The following METTL4 variants were observed in gnomAD, a reference collection of about 807,000 sequenced individuals.
METTL4 encodes the protein N(6)-adenine-specific methyltransferase METTL4.
In METTL4, 40 loss-of-function variants were observed where a neutral mutation model predicts 54.0. That is an observed-to-expected ratio of 0.74 (90% confidence interval 0.58 to 0.96). METTL4 has a LOEUF of 0.96. Ranked by LOEUF, METTL4 falls within the 50% of genes least tolerant of loss-of-function variation. The probability of loss-of-function intolerance (pLI) is 0.00; values close to 1 mark genes in which losing one functional copy is unlikely to be tolerated. For missense variants in METTL4, 525 were observed against 549.0 expected (o/e 0.96, Z 0.44); for synonymous variants, 169 against 183.8 (o/e 0.92, Z 0.65).
intron 8 of METTL4, chr18:2,540,893 G>A: frequency 1.0e-6 from 1 of 985,416 alleles, no homozygotes; most frequent in Non-Finnish European, 1.2e-6. Flanking sequence ...GAGTCAGCCA[G>A]TCAAAAATGT....
chr18:2,542,467 T>TAAAGGAATTGACAAATAGTTTA (rs1274325825), intron 8 of METTL4, among the ~76,000 whole-genome samples: 1 of 151,808 alleles, frequency 6.6e-6, no homozygotes, highest in Non-Finnish European at 1.5e-5. Context: ...TATTTTATTT[T>TAAAGGAATTGACAAATAGTTTA]AAAGGAATTG....
At position 2,567,416 on chromosome 18, in the gene METTL4, A is replaced by G; in HGVS notation, c.-200T>C. ...GATGTTAATATATACAGAAATTCTA[A>G]GGAAAATTGCAATGTTTTAATATAA... On this transcript the variant is annotated 5_prime_UTR_variant, in exon 2 of 9. Transcript: ENST00000574538. 1 of 403,884 alleles carries G rather than the reference A, an allele frequency of 2.5e-6. No homozygotes were observed. Among genetic ancestry groups the G allele is most frequent in the Non-Finnish European group, 4.3e-6 (1 of 231,034 alleles). The allele number at this position is 403,884 out of a possible 1,614,324, so 25.0% of individuals were successfully genotyped here. A position where few individuals can be genotyped will look rare whatever the true frequency, so the allele number is the denominator to read the frequency against.
At chr18:2,552,909 C>A in intron 4 of METTL4, 145 bp from the exon 5 acceptor site, 1 of 576,666 alleles carries the variant, frequency 1.7e-6, no homozygotes, top group Admixed American at 3.3e-5. Context: ...AGCATTTATT[C>A]AAACAGAGTA....
intron 5 of METTL4, among the ~76,000 whole-genome samples, chr18:2,552,299 C>T (rs2072174161): frequency 6.6e-6 from 1 of 152,000 alleles, no homozygotes; most frequent in Non-Finnish European, 1.5e-5. Context: ...TAAGAAGTAA[C>T]ATAAACTAAA....
At chr18:2,556,610 G>C (rs981930013) in intron 3 of METTL4, among the ~76,000 whole-genome samples, 1 of 151,968 alleles carries the variant, frequency 6.6e-6, no homozygotes, top group African/African-American at 2.4e-5. Context: ...AGGTTTACTT[G>C]CAGTCCAAAT....
intron 8 of METTL4, among the ~76,000 whole-genome samples, chr18:2,541,673 G>A (rs1280923007): frequency 6.6e-6 from 1 of 151,520 alleles, no homozygotes; most frequent in Non-Finnish European, 1.5e-5. Flanking sequence ...TTATGCAAAT[G>A]TATCATTTTG....
Position 2,554,951 on chromosome 18 carries a change from C to A in METTL4, c.547G>T (p.Asp183Tyr), listed in dbSNP as rs918247191. 6.2e-7 allele frequency: 1 copy of A among 1,613,906 alleles called. No homozygotes were observed. The highest frequency in any genetic ancestry group is 1.3e-5 in the African/African-American group (1 of 74,900). Residue 183 changes from aspartate to tyrosine, a missense_variant, in exon 4 of 9, where the codon GAC becomes TAC. Coordinates refer to ENST00000574538, the MANE Select transcript of METTL4 (RefSeq NM_022840.5). ...AAAGTAATGGGCTTACTACCCTTGT[C>A]CTGTTTTTCAAAAAGTGGATAAAGA... ...GFLYPLFEKQ[D>Y]KGSKPITLPL...
chr18:2,542,362 C>A (rs9962849), intron 8 of METTL4, among the ~76,000 whole-genome samples: 1 of 128,894 alleles, frequency 7.8e-6, no homozygotes, highest in Admixed American at 8.4e-5. Context: ...CCCCCTCCCC[C>A]CACCCCACAA....
intron 3 of METTL4, chr18:2,561,556 T>C (rs1488473678): frequency 1.3e-5 from 2 of 152,244 alleles, no homozygotes; most frequent in Admixed American, 1.3e-4. Context: ...GATGTTATCA[T>C]TGATCCTAAA....
intron 1 of METTL4, among the ~76,000 whole-genome samples, chr18:2,569,970 G>C (rs1181241365): frequency 6.6e-6 from 1 of 152,208 alleles, no homozygotes; most frequent in Admixed American, 6.5e-5. Flanking sequence ...CTCAGGTTTT[G>C]ATATGGTGAA....
At chr18:2,556,300 T>C (rs1450501855) in intron 3 of METTL4, among the ~76,000 whole-genome samples, 2 of 144,850 alleles carry the variant, frequency 1.4e-5, no homozygotes, top group Non-Finnish European at 3.0e-5. Context: ...CCTCGGCAAT[T>C]GGGAAAAAAA....
Position 2,554,562 on chromosome 18 carries a change from C to A in METTL4, c.829+107G>T, listed in dbSNP as rs1165360453. 10 of 990,952 alleles carry A rather than the reference C, an allele frequency of 1.0e-5. No individual in the cohort carries two copies. The East Asian group carries it at 2.1e-4, about 21-fold the overall frequency. The allele number at this position is 990,952 out of a possible 1,614,324, so 61.4% of individuals were successfully genotyped here. ...AAATAACCCAAGGAAAAGTGTCTAC[C>A]CTATCCTCATAAATGCTGACCCATC... On this transcript the variant is annotated intron_variant, in intron 4 of 8. Coordinates refer to ENST00000574538, the MANE Select transcript of METTL4 (RefSeq NM_022840.5).
intron 8 of METTL4, among the ~76,000 whole-genome samples, chr18:2,542,649 T>C (rs1322477878): frequency 6.7e-6 from 1 of 149,410 alleles, no homozygotes; most frequent in Admixed American, 6.7e-5. Context: ...TAGTGCCAAG[T>C]ATAATTTTTT....
In METTL4 at chr18:2,538,346, C is replaced by G. The variant is rs541875396; in HGVS notation, c.*654G>C. The G allele has an allele frequency of 1.3e-5, 2 of 157,186 alleles. No individual in the cohort carries two copies. Among genetic ancestry groups the G allele is most frequent in the Non-Finnish European group, 2.8e-5 (2 of 71,508 alleles). 9.7% of individuals were successfully genotyped at this position (157,186 alleles called of 1,614,324 possible). On this transcript the variant is annotated 3_prime_UTR_variant, in exon 9 of 9. Coordinates refer to ENST00000574538, the MANE Select transcript of METTL4 (RefSeq NM_022840.5). ...GCTGTATAAACTCAGTATACTAATG[C>G]AGTATTTGGCAGATCTTTGAATATT...
At chr18:2,569,163 C>T (rs2072465172) in intron 1 of METTL4, 1 of 152,940 alleles carries the variant, frequency 6.5e-6, no homozygotes, top group Non-Finnish European at 1.5e-5. Flanking sequence ...CACACCCATT[C>T]AATTTAAGCA....
chr18:2,568,494 G>C (rs2072454902), intron 1 of METTL4: 1 of 152,266 alleles, frequency 6.6e-6, no homozygotes, highest in Non-Finnish European at 1.5e-5. Context: ...GCCCACGCCT[G>C]TAATCGCAGC....
intron 6 of METTL4, among the ~76,000 whole-genome samples, chr18:2,545,545 T>C (rs1381873787): frequency 6.6e-6 from 1 of 152,086 alleles, no homozygotes; most frequent in Admixed American, 6.5e-5. Context: ...GGGATGATCA[T>C]ACTCTCAAAG....
chr18:2,546,221 G>C (rs1333999148), intron 6 of METTL4, among the ~76,000 whole-genome samples: 1 of 152,014 alleles, frequency 6.6e-6, no homozygotes, highest in African/African-American at 2.4e-5. Flanking sequence ...CACTTTCCAG[G>C]TTTTCAGGTA....
chr18:2,564,325 G>A (rs2143583186), intron 2 of METTL4, among the ~76,000 whole-genome samples: 1 of 151,786 alleles, frequency 6.6e-6, no homozygotes, highest in East Asian at 1.9e-4. Context: ...GCAGGAGAAT[G>A]GTGTGCGAGA....
Sources: gnomAD v4.1 joint callset for allele counts (sites outside exome capture counted in the v4.1 genomes callset) on GRCh38, gnomAD v4.1.1 for gene constraint, MANE v1.5 for transcripts, NCBI Gene and HGNC (gene_info 2026-07-23, HGNC 2026-07-21) for gene names.